Variants in RPL28 observed in about 807,000 individuals in gnomAD.
RPL28 encodes the protein large ribosomal subunit protein eL28.
Under a neutral mutation model 12.5 loss-of-function variants are expected in RPL28, and 4 were observed. The observed-to-expected ratio is 0.32, with a 90% CI of 0.16 to 0.73. The LOEUF (loss-of-function observed/expected upper bound fraction) is 0.73. Ranked by LOEUF, RPL28 falls within the 30% of genes least tolerant of loss-of-function variation. The pLI is 0.66. For synonymous variants in RPL28, 91 were observed against 72.5 expected (o/e 1.26, Z -1.30); for missense variants, 214 against 197.7 (o/e 1.08, Z -0.49).
rs889892124 is a variant in RPL28 at position 55,388,605 on chromosome 19, T to C, written c.*273T>C. ...CTTGTGATTGAGACCTACTGTCCCA[T>C]TGTGAGGTGGCCTGAAGAATCCCAG... On this transcript the variant is annotated 3_prime_UTR_variant, in exon 5 of 5. Transcript: ENST00000344063. The C allele has an allele frequency of 2.2e-5, 27 of 1,225,138 alleles. No individual in the cohort carries two copies. Among genetic ancestry groups the C allele is most frequent in the African/African-American group, 3.1e-5 (2 of 64,124 alleles). The allele number at this position is 1,225,138 out of a possible 1,614,324, so 75.9% of individuals were successfully genotyped here.
intron 4 of RPL28, among the ~76,000 whole-genome samples, chr19:55,397,957 A>C (rs531818902): frequency 2.0e-3 from 311 of 152,238 alleles, no homozygotes; most frequent in African/African-American, 7.3e-3. Flanking sequence ...GCACTTTGGG[A>C]GGCCGAGGCA....
intron 4 of RPL28, 31 bp from the exon 5 acceptor site, chr19:55,388,212 G>T (rs371011645): frequency 7.3e-6 from 11 of 1,516,970 alleles, no homozygotes; most frequent in Non-Finnish European, 9.7e-6. Flanking sequence ...GAGTGTATGG[G>T]CTGAGCCTTG....
chr19:55,397,182 CTTG>C lies in RPL28; in HGVS notation c.325-5758_325-5756del, dbSNP rs546517781. Among the ~76,000 whole-genome samples, 218 of 152,248 alleles carry C rather than the reference CTTG, an allele frequency of 1.4e-3. 2 individuals are homozygous for C. The highest frequency in any genetic ancestry group is 0.013 in the East Asian group (69 of 5,180). ...GGCGTGAGCCACTACACCCGGCCTC[CTTG>C]TTTTCTTTTATAGTTTACCACCACC... On this transcript the variant is annotated intron_variant, in intron 4 of 4. Coordinates refer to the RPL28 transcript ENST00000560055.
At chr19:55,399,402 G>A (rs972426217) in intron 4 of RPL28, among the ~76,000 whole-genome samples, 1 of 151,764 alleles carries the variant, frequency 6.6e-6, no homozygotes, top group Admixed American at 6.6e-5. Context: ...CCTGACCTCA[G>A]GTGACCTGCC....
chr19:55,401,541 C>A, intron 4 of RPL28: 1 of 1,610,658 alleles, frequency 6.2e-7, no homozygotes, highest in East Asian at 2.2e-5. Flanking sequence ...CAGCCCCTCC[C>A]GGGCCCCCTG....
At chr19:55,396,081 C>T (rs903215389), downstream of RPL28, among the ~76,000 whole-genome samples, 10 of 150,950 alleles carry the variant, frequency 6.6e-5, no homozygotes, top group African/African-American at 4.9e-5. Flanking sequence ...AGTTTGAGAC[C>T]GGCCTGGGCA....
Position 55,386,588 on chromosome 19 carries a change from G to A in RPL28, c.100G>A (p.Ala34Thr), listed in dbSNP as rs147614077. Residue 34 changes from alanine (A) to threonine (T), a missense_variant, in exon 3 of 5, where the codon GCC becomes ACC. Transcript: ENST00000344063. ...TTCCCAGGAGCCCAATAACTTGAAG[G>A]CCCGCAATTCCTTCCGCTACAACGG... ...TYSTEPNNLK[A>T]RNSFRYNGLI... 187 of 1,608,412 alleles carry A rather than the reference G, an allele frequency of 1.2e-4. No homozygotes were observed. In the African/African-American group the frequency reaches 2.2e-3, roughly 19 times the overall value.
In RPL28 at chr19:55,390,124, C is replaced by T. The variant is rs2089976530; in HGVS notation, c.*1792C>T. 5 of 985,364 alleles carry T rather than the reference C, an allele frequency of 5.1e-6. No individual in the cohort carries two copies. In the African/African-American group the frequency reaches 7.0e-5, roughly 14 times the overall value. The allele number at this position is 985,364 out of a possible 1,614,324, so 61.0% of individuals were successfully genotyped here. On this transcript the variant is annotated 3_prime_UTR_variant, in exon 5 of 5. Coordinates refer to ENST00000344063, the MANE Select transcript of RPL28 (RefSeq NM_000991.5). ...TTGTGCTGGTGGGCAAGGGGTTTGT[C>T]TAGCACACCAGCATATAATGAGATG...
chr19:55,394,324 A>G (rs1002191751), downstream of RPL28, among the ~76,000 whole-genome samples: 1 of 152,280 alleles, frequency 6.6e-6, no homozygotes, highest in East Asian at 1.9e-4. Context: ...CTGTGGCACA[A>G]TCTCGGCTCA....
Position 55,390,450 on chromosome 19 carries a change from C to T in RPL28, c.*2118C>T. On this transcript the variant is annotated 3_prime_UTR_variant, in exon 5 of 5. Transcript: ENST00000344063. ...GAACTCCTGACTTCAAATTACCCAC[C>T]TGCCTCAGCCTCCCAAAGTGCTGGC... The T allele has an allele frequency of 1.1e-5, 11 of 984,700 alleles. No homozygotes were observed. In the South Asian group the frequency reaches 5.2e-4, roughly 46 times the overall value. The allele number at this position is 984,700 out of a possible 1,614,324, so 61.0% of individuals were successfully genotyped here.
chr19:55,389,630 C>T lies in RPL28; in HGVS notation c.*1298C>T, dbSNP rs2089970916. On this transcript the variant is annotated 3_prime_UTR_variant, in exon 5 of 5. Transcript: ENST00000344063. ...CCTGCGTTTTGAGGCAGACCACTGC[C>T]CTTCCGACCTCAGTCCTGTCTGCTC... 2.1e-5 allele frequency: 21 copies of T among 985,536 alleles called. No homozygotes were observed. The highest frequency in any genetic ancestry group is 2.5e-5 in the Non-Finnish European group (21 of 829,996). The allele number at this position is 985,536 out of a possible 1,614,324, so 61.0% of individuals were successfully genotyped here.
At chr19:55,395,446 T>C (rs932553554), downstream of RPL28, among the ~76,000 whole-genome samples, 9 of 145,260 alleles carry the variant, frequency 6.2e-5, no homozygotes, top group Non-Finnish European at 9.0e-5. Context: ...TTTTTCTCTT[T>C]TTTTTTTTTT....
Position 55,391,558 on chromosome 19 carries a change from T to C in RPL28, c.*3226T>C. The C allele has an allele frequency of 6.5e-7, 1 of 1,534,740 alleles. No homozygotes were observed. The highest frequency in any genetic ancestry group is 1.4e-5 in the African/African-American group (1 of 72,918). On this transcript the variant is annotated 3_prime_UTR_variant, in exon 5 of 5. Transcript: ENST00000344063. ...TGAGGCATCCTCTGTTCACAGGACA[T>C]GCTGGCATCTACTGGGTCAGGGCTC...
In RPL28 at chr19:55,392,052, G is replaced by A. The variant is rs1290188924; in HGVS notation, c.*3720G>A. ...TATCAATTCCCCTGTTTCTCTTGTA[G>A]CCAGTTACTAGAATAAAATCATCTA... On this transcript the variant is annotated 3_prime_UTR_variant, in exon 5 of 5. Transcript: ENST00000344063. 18 of 1,038,232 alleles carry A rather than the reference G, an allele frequency of 1.7e-5. No individual in the cohort carries two copies. The highest frequency in any genetic ancestry group is 2.1e-5 in the Non-Finnish European group (18 of 864,650). 64.3% of individuals were successfully genotyped at this position (1,038,232 alleles called of 1,614,324 possible).
rs1569043270 is a variant in RPL28, at chr19:55,391,195, GGCA to G, written c.*2867_*2869del. 1 of 214,282 alleles carries G rather than the reference GGCA, an allele frequency of 4.7e-6. No individual in the cohort carries two copies. Among genetic ancestry groups the G allele is most frequent in the African/African-American group, 2.3e-5 (1 of 43,268 alleles). The allele number at this position is 214,282 out of a possible 1,614,324, so 13.3% of individuals were successfully genotyped here. A position where few individuals can be genotyped will look rare whatever the true frequency, so the allele number is the denominator to read the frequency against. On this transcript the variant is annotated 3_prime_UTR_variant, in exon 5 of 5. Transcript: ENST00000344063. Reference sequence around the variant, plus strand: ...CATCCTATCCCCAAGAGTGATGCCCGGCAGCATTCCCAGCTCAGGGCTAATGGT... The same window carrying G: ...CATCCTATCCCCAAGAGTGATGCCCGGCATTCCCAGCTCAGGGCTAATGGT...
At position 55,388,795 on chromosome 19, in the gene RPL28, CTT is replaced by C. The variant is rs138521135; in HGVS notation, c.*466_*467del. 1.0e-6 allele frequency: 1 copy of C among 992,504 alleles called. No individual in the cohort carries two copies. The highest frequency in any genetic ancestry group is 1.2e-6 in the Non-Finnish European group (1 of 834,950). The allele number at this position is 992,504 out of a possible 1,614,324, so 61.5% of individuals were successfully genotyped here. On this transcript the variant is annotated 3_prime_UTR_variant, in exon 5 of 5. Coordinates refer to ENST00000344063, the MANE Select transcript of RPL28 (RefSeq NM_000991.5). ...ACATCACGGGAGGAAGATGAGATGA[CTT>C]TTGCATCCAGGGAGTGGGTGCAGCC... is the stretch of plus-strand genomic sequence containing the variant.
In RPL28 at chr19:55,397,448, C is replaced by T. The variant is rs1482996657; in HGVS notation, c.325-5495C>T. Among the ~76,000 whole-genome samples, 6 of 152,126 alleles carry T rather than the reference C, an allele frequency of 3.9e-5. No homozygotes were observed. In the East Asian group the frequency reaches 1.2e-3, roughly 30 times the overall value. On this transcript the variant is annotated intron_variant, in intron 4 of 4. Transcript: ENST00000560055. ...AGGCTGGAGTGCAGTGGCGCGATCT[C>T]GGCTCACTGCAAGCTCCGCCTTCCG...
intron 4 of RPL28, among the ~76,000 whole-genome samples, chr19:55,402,241 C>T (rs905966339): frequency 6.6e-6 from 1 of 152,214 alleles, no homozygotes; most frequent in Non-Finnish European, 1.5e-5. Context: ...ATCACACCTG[C>T]GTGTTGGACT....
At position 55,388,016 on chromosome 19, in the gene RPL28, C is replaced by G. The variant is rs767304236; in HGVS notation, c.292C>G (p.Arg98Gly). The change falls in exon 4 of 5, where the codon CGC (arginine) becomes GGC (glycine). Residue 98 changes from arginine (R) to glycine (G), a missense_variant. Transcript: ENST00000344063. ...ATLSSIRHMIRKNKYRPDLRM... is the reference protein window; with the variant it reads ...ATLSSIRHMIGKNKYRPDLRM... ...GCTCAGCAGCATCAGACACATGATC[C>G]GCAAGAACAAGTACCGCCCCGACCT... 1 of 1,613,618 alleles carries G rather than the reference C, an allele frequency of 6.2e-7. No homozygotes were observed. The highest frequency in any genetic ancestry group is 1.1e-5 in the South Asian group (1 of 91,046).
Sources: allele counts gnomAD v4.1 joint callset (sites outside exome capture counted in the v4.1 genomes callset), GRCh38; gene constraint gnomAD v4.1.1; transcripts MANE v1.5; gene names NCBI Gene and HGNC (gene_info 2026-07-23, HGNC 2026-07-21).